Variants in MR1 observed in about 807,000 individuals in gnomAD.
MR1 encodes the protein major histocompatibility complex, class I-related, also known as major histocompatibility complex class I-related protein 1.
Under a neutral mutation model 37.8 loss-of-function variants are expected in MR1, and 44 were observed. The observed-to-expected ratio is 1.16, with a 90% CI of 0.91 to 1.50. The LOEUF (loss-of-function observed/expected upper bound fraction) is 1.50, where lower values mean the gene tolerates loss of function less well. Among genes scored for constraint, MR1 ranks in the 40% most tolerant of loss-of-function variants. The pLI is 0.00. For synonymous variants in MR1, 153 were observed against 155.8 expected, an observed-to-expected ratio of 0.98 and a Z score of 0.13; for missense variants, 386 against 419.1, an observed-to-expected ratio of 0.92 and a Z score of 0.69.
chr1:181,051,769 A>G (rs1256323850), intron 3 of MR1, among the ~76,000 whole-genome samples: 1 of 152,266 alleles, frequency 6.6e-6, no homozygotes. Context: ...GCGCAAGTAC[A>G]CAAGGCAATT....
In MR1 at chr1:181,049,203, A is replaced by G; in HGVS notation, c.219A>G (p.Ala73=). 1 of 1,614,208 alleles carries G rather than the reference A, an allele frequency of 6.2e-7. No homozygotes were observed. The highest frequency in any genetic ancestry group is 8.5e-7 in the Non-Finnish European group (1 of 1,180,036). ...RQKEPRAPWM[A]ENLAPDHWER... The stretch of plus-strand genomic sequence containing the variant: ...AGGAGCCACGGGCCCCATGGATGGC[A>G]GAGAACCTCGCGCCTGATCACTGGG... Residue 73 remains alanine (A), a synonymous_variant, in exon 2 of 6, where the codon GCA becomes GCG. Transcript: ENST00000367580.
chr1:181,050,338 A>C, intron 3 of MR1, 52 bp downstream of exon 3: 3 of 1,606,488 alleles, frequency 1.9e-6, no homozygotes, highest in Non-Finnish European at 2.6e-6. Context: ...AACTGTTTTT[A>C]TACGTAACTC....
intron 1 of MR1, among the ~76,000 whole-genome samples, chr1:181,041,081 C>CAATA (rs56248336): frequency 0.036 from 5,284 of 146,528 alleles, 116 homozygotes; most frequent in Middle Eastern, 0.069. Context: ...GACTCTGTCT[C>CAATA]AATAAATAAA....
At position 181,058,417 on chromosome 1, in the gene MR1, GT is replaced by G. The variant is rs1257652085; in HGVS notation, c.*3157del. 14 of 151,720 alleles carry G rather than the reference GT, an allele frequency of 9.2e-5. No homozygotes were observed. The highest frequency in any genetic ancestry group is 4.4e-5 in the Non-Finnish European group (3 of 67,992). 9.4% of individuals were successfully genotyped at this position (151,720 alleles called of 1,614,324 possible). A position where few individuals can be genotyped will look rare whatever the true frequency, so the allele number is the denominator to read the frequency against. On this transcript the variant is annotated 3_prime_UTR_variant, in exon 6 of 6. Coordinates refer to ENST00000367580, the MANE Select transcript of MR1 (RefSeq NM_001385161.1). ...GATGTGGTAAATTTAAATGGCAGAT[GT>G]TTTTGATGTGGTACATTTAAGGGAG...
intron 1 of MR1, among the ~76,000 whole-genome samples, chr1:181,039,834 C>A (rs1263543363): frequency 6.7e-6 from 1 of 148,996 alleles, no homozygotes; most frequent in Non-Finnish European, 1.5e-5. Flanking sequence ...CCACTGCACT[C>A]CAGCCTGGGT....
In MR1 at chr1:181,055,269, C is replaced by T; in HGVS notation, c.*4C>T. 6.2e-7 allele frequency: 1 copy of T among 1,611,376 alleles called. No homozygotes were observed. Among genetic ancestry groups the T allele is most frequent in the Non-Finnish European group, 8.5e-7 (1 of 1,177,538 alleles). The stretch of plus-strand genomic sequence containing the variant: ...CCTTCCAACACCAGATCGATGATTG[C>T]AGATCCCTCTTTTCCAGTTCTCCTT... On this transcript the variant is annotated 3_prime_UTR_variant, in exon 6 of 6. Coordinates refer to ENST00000367580, the MANE Select transcript of MR1 (RefSeq NM_001385161.1).
chr1:181,050,393 T>C (rs760446155), intron 3 of MR1, 107 bp downstream of exon 3: 2 of 1,426,792 alleles, frequency 1.4e-6, no homozygotes, highest in Non-Finnish European at 1.9e-6. Flanking sequence ...GCCATCTCTT[T>C]AGTTGGCCTA....
At position 181,059,925 on chromosome 1, in the gene MR1, C is replaced by T. The variant is rs1483126694; in HGVS notation, c.*4660C>T. On this transcript the variant is annotated 3_prime_UTR_variant, in exon 6 of 6. Transcript: ENST00000367580. ...CCATTTTGGGAAAGATGCAACATGTCACAATGTCATGTTCTCCATCGTCTC... is the reference window on the plus strand; with the variant it reads ...CCATTTTGGGAAAGATGCAACATGTTACAATGTCATGTTCTCCATCGTCTC... 2 of 152,146 alleles carry T rather than the reference C, an allele frequency of 1.3e-5. No homozygotes were observed. The highest frequency in any genetic ancestry group is 4.8e-5 in the African/African-American group (2 of 41,420). The allele number at this position is 152,146 out of a possible 1,614,324, so 9.4% of individuals were successfully genotyped here.
rs11347634 is a variant in MR1, at chr1:181,043,961, C to CTT, written c.68-5072_68-5071dup. On this transcript the variant is annotated intron_variant, in intron 1 of 5. Coordinates refer to ENST00000367580, the MANE Select transcript of MR1 (RefSeq NM_001385161.1). ...AGCTGATTTTTTTTTTTTGTCTGAT[C>CTT]TTTTTTTTTTTTTTTTTTTTGAGAC... is the stretch of plus-strand genomic sequence containing the variant. Among the ~76,000 whole-genome samples, 102 of 98,166 alleles carry CTT rather than the reference C, an allele frequency of 1.0e-3. 1 individual carries two copies. The highest frequency in any genetic ancestry group is 1.4e-3 in the African/African-American group (37 of 26,004). The allele number at this position is 98,166 out of a possible 152,430, so 64.4% of individuals were successfully genotyped here. A position where few individuals can be genotyped will look rare whatever the true frequency, so the allele number is the denominator to read the frequency against.
Position 181,060,287 on chromosome 1 carries a change from C to T in MR1, c.*5022C>T, listed in dbSNP as rs944693226. 1 of 152,152 alleles carries T rather than the reference C, an allele frequency of 6.6e-6. No individual in the cohort carries two copies. The highest frequency in any genetic ancestry group is 1.5e-5 in the Non-Finnish European group (1 of 68,030). The allele number at this position is 152,152 out of a possible 1,614,324, so 9.4% of individuals were successfully genotyped here. ...ACCCACTCTACTACTGCAGGATGAC[C>T]TCACCTTCCCAAATTACATCTGCAA... On this transcript the variant is annotated 3_prime_UTR_variant, in exon 6 of 6. Coordinates refer to ENST00000367580, the MANE Select transcript of MR1 (RefSeq NM_001385161.1).
At chr1:181,048,087 C>G (rs996877448) in intron 1 of MR1, among the ~76,000 whole-genome samples, 3 of 149,842 alleles carry the variant, frequency 2.0e-5, no homozygotes. Context: ...GCGTGGTGAC[C>G]AGTGCCTGTT....
intron 3 of MR1, 163 bp downstream of exon 3, chr1:181,050,449 C>A: frequency 1.2e-6 from 1 of 822,564 alleles, no homozygotes; most frequent in Non-Finnish European, 1.9e-6. Flanking sequence ...TCCCTGGTTA[C>A]TTTTGAGCAG....
Position 181,055,832 on chromosome 1 carries a change from C to T in MR1, c.*567C>T, listed in dbSNP as rs1320332802. 6.5e-6 allele frequency: 1 copy of T among 153,144 alleles called. No homozygotes were observed. Among genetic ancestry groups the T allele is most frequent in the Non-Finnish European group, 1.5e-5 (1 of 68,728 alleles). 9.5% of individuals were successfully genotyped at this position (153,144 alleles called of 1,614,324 possible). A position where few individuals can be genotyped will look rare whatever the true frequency, so the allele number is the denominator to read the frequency against. ...GTAGCCGGCAGGTTTCTACAATGGC[C>T]TGGGAATGGACTGATTATTTTTATA... On this transcript the variant is annotated 3_prime_UTR_variant, in exon 6 of 6. Transcript: ENST00000367580.
Position 181,049,221 on chromosome 1 carries a change from T to A in MR1, c.237T>A (p.Asp79Glu), listed in dbSNP as rs758506840. The change falls in exon 2 of 6, where the codon GAT becomes GAA. Residue 79 changes from aspartate (D) to glutamate (E), a missense_variant. By Grantham distance (45) the Asp-to-Glu change is conservative. Transcript: ENST00000367580. ...APWMAENLAPDHWERYTQLLR... is the reference protein window; with the variant it reads ...APWMAENLAPEHWERYTQLLR... Reference sequence around the variant, plus strand: ...GGATGGCAGAGAACCTCGCGCCTGATCACTGGGAGAGGTACACTCAGCTGC... The same window carrying A: ...GGATGGCAGAGAACCTCGCGCCTGAACACTGGGAGAGGTACACTCAGCTGC... The A allele has an allele frequency of 1.2e-6, 2 of 1,614,132 alleles. No individual in the cohort carries two copies. Among genetic ancestry groups the A allele is most frequent in the South Asian group, 2.2e-5 (2 of 91,076 alleles).
chr1:181,061,088 C>T lies in MR1; in HGVS notation c.*5823C>T, dbSNP rs189890389. 1.3e-5 allele frequency: 2 copies of T among 152,436 alleles called. No homozygotes were observed. Among genetic ancestry groups the T allele is most frequent in the Non-Finnish European group, 2.9e-5 (2 of 68,102 alleles). 9.4% of individuals were successfully genotyped at this position (152,436 alleles called of 1,614,324 possible). ...CTGGCATGGCTGAGGAAAAAGGACACTGAGCACAGCCCGTGCATGAGCGGC... is the reference window on the plus strand; with the variant it reads ...CTGGCATGGCTGAGGAAAAAGGACATTGAGCACAGCCCGTGCATGAGCGGC... On this transcript the variant is annotated 3_prime_UTR_variant, in exon 6 of 6. Coordinates refer to ENST00000367580, the MANE Select transcript of MR1 (RefSeq NM_001385161.1).
chr1:181,050,635 ACACCAC>A (rs1658259127), intron 3 of MR1: 1 of 311,018 alleles, frequency 3.2e-6, no homozygotes, highest in Admixed American at 4.5e-5. Flanking sequence ...AAGGGCTCAC[ACACCAC>A]CAGTAGGAGT....
rs1016874289 is a variant in MR1, at chr1:181,052,646, G to A, written c.880+136G>A. ...GCCTTAGAATGGGTCTTTTAAATAAGTGGTTCTCACACTTTTTGGAACCAG... is the reference window on the plus strand; with the variant it reads ...GCCTTAGAATGGGTCTTTTAAATAAATGGTTCTCACACTTTTTGGAACCAG... On this transcript the variant is annotated intron_variant, in intron 4 of 5. Transcript: ENST00000367580. 3 of 977,622 alleles carry A rather than the reference G, an allele frequency of 3.1e-6. No individual in the cohort carries two copies. The African/African-American group carries it at 4.9e-5, about 16-fold the overall frequency. 60.6% of individuals were successfully genotyped at this position (977,622 alleles called of 1,614,324 possible).
intron 1 of MR1, among the ~76,000 whole-genome samples, chr1:181,035,888 A>C (rs7535177): frequency 0.3 from 45,021 of 152,028 alleles, 7,618 homozygotes; most frequent in African/African-American, 0.47. Context: ...TAAGTTATAA[A>C]GGCAAGGGAA....
At position 181,058,783 on chromosome 1, in the gene MR1, C is replaced by T. The variant is rs1243310279; in HGVS notation, c.*3518C>T. On this transcript the variant is annotated 3_prime_UTR_variant, in exon 6 of 6. Transcript: ENST00000367580. ...CACATATGCAGGTCTAGTGTCCCCA[C>T]AAAGTGATCAGATGGATATATAAAG... 1 of 152,270 alleles carries T rather than the reference C, an allele frequency of 6.6e-6. No individual in the cohort carries two copies. The highest frequency in any genetic ancestry group is 2.1e-4 in the South Asian group (1 of 4,824). 9.4% of individuals were successfully genotyped at this position (152,270 alleles called of 1,614,324 possible).
Sources: gnomAD v4.1 joint callset for allele counts (sites outside exome capture counted in the v4.1 genomes callset) on GRCh38, gnomAD v4.1.1 for gene constraint, MANE v1.5 for transcripts, NCBI Gene and HGNC (gene_info 2026-07-23, HGNC 2026-07-21) for gene names.